Variants in SIM1 observed in about 807,000 individuals in gnomAD.
The protein encoded by SIM1 is single-minded homolog 1.
In SIM1, 18 loss-of-function variants were observed where a neutral mutation model predicts 78.2. The ratio of observed to expected loss-of-function variants is 0.23; its 90% CI spans 0.16 to 0.34. The LOEUF (loss-of-function observed/expected upper bound fraction) is 0.34, where lower values mean the gene tolerates loss of function less well. SIM1 is among the 10% of genes least tolerant of loss of function. The pLI, the probability that SIM1 is intolerant of heterozygous loss-of-function variation, is 1.00. For synonymous variants in SIM1, 417 were observed against 385.2 expected, an observed-to-expected ratio of 1.08 and a Z score of -0.97; for missense variants, 939 against 975.1, an observed-to-expected ratio of 0.96 and a Z score of 0.49.
At chr6:100,453,007 G>GAAC (rs1228070250) in intron 3 of SIM1, among the ~76,000 whole-genome samples, 1 of 152,112 alleles carries the variant, frequency 6.6e-6, no homozygotes, top group Admixed American at 6.5e-5. Context: ...CAGTGGGCTT[G>GAAC]AATAATAATA....
intron 10 of SIM1, among the ~76,000 whole-genome samples, chr6:100,419,431 C>G (rs898593354): frequency 1.4e-4 from 21 of 152,240 alleles, no homozygotes; most frequent in Middle Eastern, 3.4e-3. Context: ...AAATAGTAGC[C>G]TCTTAGTGAC....
chr6:100,428,637 T>C (rs891798769), intron 9 of SIM1, among the ~76,000 whole-genome samples: 6 of 151,528 alleles, frequency 4.0e-5, no homozygotes, highest in Non-Finnish European at 8.8e-5. Context: ...TTAAGAATGT[T>C]CATACCTTAA....
intron 9 of SIM1, among the ~76,000 whole-genome samples, chr6:100,422,994 C>T (rs530917385): frequency 2.0e-5 from 3 of 152,268 alleles, no homozygotes; most frequent in African/African-American, 7.2e-5. Flanking sequence ...TCAATGCAAG[C>T]TTTCTTTTAA....
At chr6:100,411,874 T>C (rs530119474) in intron 10 of SIM1, among the ~76,000 whole-genome samples, 14 of 152,074 alleles carry the variant, frequency 9.2e-5, no homozygotes, top group Admixed American at 3.9e-4. Context: ...ATAGGGGCAA[T>C]GCATGCAGAA....
intron 8 of SIM1, among the ~76,000 whole-genome samples, 169 bp downstream of exon 8, chr6:100,447,977 G>T (rs1490674149): frequency 6.6e-6 from 1 of 152,222 alleles, no homozygotes; most frequent in Non-Finnish European, 1.5e-5. Context: ...AGAGAATTTA[G>T]GTGGGCCCAG....
intron 4 of SIM1, 32 bp from the exon 5 acceptor site, chr6:100,449,731 G>A: frequency 1.3e-6 from 2 of 1,559,940 alleles, no homozygotes; most frequent in Non-Finnish European, 1.8e-6. Context: ...CGTCGCCGTG[G>A]CGGTGGAATG....
chr6:100,403,942 A>G (rs13205255), intron 10 of SIM1, among the ~76,000 whole-genome samples: 17,827 of 152,238 alleles, frequency 0.12, 1,050 homozygotes, highest in Middle Eastern at 0.18. Context: ...AAGAGGGGAC[A>G]TGTAATTCCA....
Position 100,406,034 on chromosome 6 carries a change from G to T in SIM1, c.1168-12145C>A, listed in dbSNP as rs145353006. ...TCATTGCACTGAATATTTTAATCAG[G>T]TAACAATAAATTAGAATAAGTATTT... On this transcript the variant is annotated intron_variant, in intron 10 of 11. Transcript: ENST00000369208. 6.6e-4 allele frequency among the ~76,000 whole-genome samples: 101 copies of T among 152,260 alleles called. 3 individuals carry two copies. In the East Asian group the frequency reaches 0.012, roughly 18 times the overall value.
intron 2 of SIM1, among the ~76,000 whole-genome samples, chr6:100,454,390 GA>G (rs1562257861): frequency 1.3e-5 from 2 of 152,122 alleles, no homozygotes; most frequent in East Asian, 1.9e-4. Context: ...ATCGCCTTCG[GA>G]AAAATTAGTT....
intron 2 of SIM1, among the ~76,000 whole-genome samples, chr6:100,456,845 C>T (rs979163938): frequency 2.0e-5 from 3 of 152,128 alleles, no homozygotes; most frequent in African/African-American, 2.4e-5. Context: ...ATTTAAATAC[C>T]CCCTGACCCA....
chr6:100,395,731 C>T (rs1050920365), intron 10 of SIM1, among the ~76,000 whole-genome samples: 3 of 152,170 alleles, frequency 2.0e-5, no homozygotes, highest in Non-Finnish European at 4.4e-5. Context: ...TAGGCCCACC[C>T]TGTGGGAGTA....
At position 100,447,406 on chromosome 6, in the gene SIM1, T is replaced by C. The variant is rs1772384171; in HGVS notation, c.860A>G (p.Lys287Arg). The C allele has an allele frequency of 2.4e-5, 39 of 1,614,086 alleles. No homozygotes were observed. Among genetic ancestry groups the C allele is most frequent in the Non-Finnish European group, 3.0e-5 (35 of 1,180,040 alleles). ...LRCAHHLLLV[K>R]GQVTTKYYRF... ...GTAGTACTTGGTGGTCACCTGTCCC[T>C]TCACCAGCACTGACGGAGAGACAGG... The change falls in exon 9 of 12, where the codon AAG becomes AGG. Residue 287 changes from lysine to arginine, a missense_variant. Coordinates refer to ENST00000369208, the MANE Select transcript of SIM1 (RefSeq NM_005068.3).
intron 9 of SIM1, among the ~76,000 whole-genome samples, chr6:100,422,637 A>G (rs1455204475): frequency 6.6e-6 from 1 of 152,186 alleles, no homozygotes; most frequent in East Asian, 1.9e-4. Context: ...AAGCAAAAAT[A>G]TAATTCAGTA....
At chr6:100,422,946 GC>G (rs1771634172) in intron 9 of SIM1, among the ~76,000 whole-genome samples, 1 of 152,174 alleles carries the variant, frequency 6.6e-6, no homozygotes, top group Admixed American at 6.5e-5. Context: ...ATGTATATCA[GC>G]AAATTACGAT....
At chr6:100,450,092 G>A (rs1007649794) in intron 4 of SIM1, among the ~76,000 whole-genome samples, 175 bp downstream of exon 4, 1 of 152,182 alleles carries the variant, frequency 6.6e-6, no homozygotes, top group Non-Finnish European at 1.5e-5. Context: ...AGGTAAAGGA[G>A]AAGGGAAGTG....
chr6:100,457,886 T>C (rs570530623), intron 2 of SIM1, among the ~76,000 whole-genome samples: 3 of 152,342 alleles, frequency 2.0e-5, no homozygotes, highest in African/African-American at 7.2e-5. Flanking sequence ...GGCAGTGCCC[T>C]GATCTCTCCT....
At chr6:100,461,460 TCTC>T (rs1253242821) in intron 2 of SIM1, among the ~76,000 whole-genome samples, 1 of 152,124 alleles carries the variant, frequency 6.6e-6, no homozygotes, top group African/African-American at 2.4e-5. Flanking sequence ...CTGCTATTCT[TCTC>T]CTCCCGCGAT....
chr6:100,401,421 A>T (rs927619577), intron 10 of SIM1, among the ~76,000 whole-genome samples: 2 of 152,152 alleles, frequency 1.3e-5, no homozygotes, highest in Admixed American at 1.3e-4. Flanking sequence ...AAGATTAGAT[A>T]AAAAGCATCT....
chr6:100,396,602 T>A (rs980549276), intron 10 of SIM1, among the ~76,000 whole-genome samples: 2 of 152,078 alleles, frequency 1.3e-5, no homozygotes, highest in African/African-American at 2.4e-5. Flanking sequence ...GTGGTTCAGT[T>A]AGTCCAAGAC....
Sources: allele counts gnomAD v4.1 joint callset (sites outside exome capture counted in the v4.1 genomes callset), GRCh38; gene constraint gnomAD v4.1.1; transcripts MANE v1.5; gene names NCBI Gene and HGNC (gene_info 2026-07-23, HGNC 2026-07-21).